ADCK5: variants seen among roughly 807,000 people sequenced by gnomAD.
The protein encoded by ADCK5 is uncharacterized aarF domain-containing protein kinase 5.
A neutral mutation model predicts 64.9 loss-of-function variants in ADCK5; 43 were observed. The observed-to-expected ratio is 0.66, with a 90% CI of 0.52 to 0.85. ADCK5 has a LOEUF of 0.85. ADCK5 is among the 40% of genes least tolerant of loss of function. The pLI is 0.00. For missense variants in ADCK5, 760 were observed against 810.5 expected (o/e 0.94, Z 0.76); for synonymous variants, 434 against 342.8 (o/e 1.27, Z -2.94).
intron 2 of ADCK5, among the ~76,000 whole-genome samples, chr8:144,382,046 C>A (rs1470297815): frequency 6.2e-3 from 488 of 78,380 alleles, no homozygotes; most frequent in African/African-American, 0.019. Context: ...GTGCTCAGGC[C>A]CCTGCTGCAC....
chr8:144,384,841 T>G lies in ADCK5; in HGVS notation c.266+1611T>G, dbSNP rs1819840389. Among the ~76,000 whole-genome samples the G allele has an allele frequency of 6.6e-6, 1 of 152,134 alleles. No homozygotes were observed. Among genetic ancestry groups the G allele is most frequent in the African/African-American group, 2.4e-5 (1 of 41,432 alleles). On this transcript the variant is annotated intron_variant, in intron 3 of 14. Coordinates refer to ENST00000308860, the MANE Select transcript of ADCK5 (RefSeq NM_174922.5). This position sits in a 1 kb window ranked among gnomAD's most constrained non-coding sequence, Gnocchi z 5.7. ...TCGCTCTCAGGGGCTGAGCTGGGGT[T>G]GCAGGGAGGGACCTCTGTTGTTAAT...
intron 1 of ADCK5, among the ~76,000 whole-genome samples, chr8:144,378,435 C>CAAA (rs1819462875): frequency 6.6e-6 from 1 of 152,018 alleles, no homozygotes; most frequent in Non-Finnish European, 1.5e-5. Context: ...TGGCACTTTC[C>CAAA]CCTTTGCCCT....
intron 13 of ADCK5, 28 bp downstream of exon 13, chr8:144,392,725 C>T (rs1414927095): frequency 1.9e-6 from 3 of 1,588,544 alleles, no homozygotes; most frequent in East Asian, 2.3e-5. Context: ...GCGCCCGGGC[C>T]GTGGTGGGGC....
intron 3 of ADCK5, among the ~76,000 whole-genome samples, chr8:144,387,631 C>T (rs541371054): frequency 6.6e-6 from 1 of 151,454 alleles, no homozygotes; most frequent in Non-Finnish European, 1.5e-5. Flanking sequence ...TCTTGAATTC[C>T]TGACCTTAAG....
Position 144,374,116 on chromosome 8 carries a change from T to C in ADCK5, c.12+9T>C, listed in dbSNP as rs782818551. The C allele has an allele frequency of 8.8e-6, 11 of 1,248,620 alleles. No individual in the cohort carries two copies. Among genetic ancestry groups the C allele is most frequent in the Non-Finnish European group, 1.1e-5 (11 of 988,890 alleles). The allele number at this position is 1,248,620 out of a possible 1,614,324, so 77.3% of individuals were successfully genotyped here. A position where few individuals can be genotyped will look rare whatever the true frequency, so the allele number is the denominator to read the frequency against. On this transcript the variant is annotated intron_variant, in intron 1 of 14. Transcript: ENST00000308860. ...CGGAGATGTGGCGACCGGTGAGGAC[T>C]CTCCCGGCCCGGGGCGCCCGAGATC... is the stretch of plus-strand genomic sequence containing the variant.
intron 3 of ADCK5, among the ~76,000 whole-genome samples, chr8:144,389,823 C>A (rs1281117995): frequency 4.0e-5 from 6 of 151,508 alleles, no homozygotes; most frequent in Non-Finnish European, 7.4e-5. Context: ...AGCTACCAAG[C>A]CCAGCCTCTT....
chr8:144,388,749 C>A (rs1183875471), intron 3 of ADCK5, among the ~76,000 whole-genome samples: 2 of 150,412 alleles, frequency 1.3e-5, no homozygotes, highest in Non-Finnish European at 3.0e-5. Context: ...GGCGACAGAG[C>A]GAGACTCCGT....
chr8:144,391,160 C>G lies in ADCK5; in HGVS notation c.570C>G (p.Phe190Leu). The change falls in exon 6 of 15, where the codon TTC (phenylalanine) becomes TTG (leucine). Residue 190 changes from phenylalanine (F) to leucine (L), a missense_variant. Coordinates refer to ENST00000308860, the MANE Select transcript of ADCK5 (RefSeq NM_174922.5). ...QEVDELFLEDFQALPHELFQE... is the reference protein window; with the variant it reads ...QEVDELFLEDLQALPHELFQE... ...TGGATGAGTTGTTCCTTGAGGACTTCCAGGCCCTCCCCCACGAGCTCTTCC... is the reference window on the plus strand; with the variant it reads ...TGGATGAGTTGTTCCTTGAGGACTTGCAGGCCCTCCCCCACGAGCTCTTCC... The G allele has an allele frequency of 6.2e-7, 1 of 1,611,612 alleles. No homozygotes were observed. Among genetic ancestry groups the G allele is most frequent in the Non-Finnish European group, 8.5e-7 (1 of 1,180,006 alleles).
rs1470949647 is a variant in ADCK5 at position 144,384,909 on chromosome 8, C to T, written c.266+1679C>T. Among the ~76,000 whole-genome samples the T allele has an allele frequency of 6.6e-6, 1 of 152,192 alleles. No homozygotes were observed. ...CGTTCTCCTTGGCTCTAAGCCGTCA[C>T]GGTTGCATAGACAAGCAGGCCTGTG... On this transcript the variant is annotated intron_variant, in intron 3 of 14. Coordinates refer to ENST00000308860, the MANE Select transcript of ADCK5 (RefSeq NM_174922.5). The surrounding 1 kb of genome is among the most constrained non-coding windows in gnomAD (Gnocchi z 5.7).
rs782798899 is a variant in ADCK5 at position 144,393,116 on chromosome 8, G to A, written c.*42G>A. On this transcript the variant is annotated 3_prime_UTR_variant, in exon 15 of 15. Coordinates refer to ENST00000308860, the MANE Select transcript of ADCK5 (RefSeq NM_174922.5). ...GCCGGCGGGGCCCTTTTCACCTTGG[G>A]CTGACGGAGGTGGCGGGGCTAGAGG... 15 of 1,487,944 alleles carry A rather than the reference G, an allele frequency of 1.0e-5. No individual in the cohort carries two copies. The highest frequency in any genetic ancestry group is 5.2e-5 in the South Asian group (4 of 76,946). 92.2% of individuals were successfully genotyped at this position (1,487,944 alleles called of 1,614,324 possible). A position where few individuals can be genotyped will look rare whatever the true frequency, so the allele number is the denominator to read the frequency against.
intron 1 of ADCK5, among the ~76,000 whole-genome samples, chr8:144,378,993 G>A (rs1378031710): frequency 6.6e-6 from 1 of 151,326 alleles, no homozygotes; most frequent in Admixed American, 6.6e-5. Context: ...GAGTGTAGTG[G>A]CGCGATTTCA....
intron 3 of ADCK5, among the ~76,000 whole-genome samples, chr8:144,387,379 C>T (rs1320122106): frequency 6.6e-6 from 1 of 152,126 alleles, no homozygotes; most frequent in African/African-American, 2.4e-5. Flanking sequence ...GTTCTCACTG[C>T]TCCTCCACCC....
At chr8:144,392,918 G>T in intron 14 of ADCK5, 26 bp downstream of exon 14, 1 of 1,594,404 alleles carries the variant, frequency 6.3e-7, no homozygotes, top group East Asian at 2.3e-5. Context: ...GCAGGTGGGT[G>T]GCGGGGGCCT....
chr8:144,390,726 G>T lies in ADCK5; in HGVS notation c.322G>T (p.Val108Phe). ...SLDYWWCTNV[V>F]LRGVEENSPG... ...GGACTACTGGTGGTGCACCAATGTT[G>T]TCCTTCGAGGGGTGGAAGAGGTTTG... Residue 108 changes from valine (V) to phenylalanine (F), a missense_variant, in exon 4 of 15, where the codon GTC becomes TTC. Coordinates refer to ENST00000308860, the MANE Select transcript of ADCK5 (RefSeq NM_174922.5). The T allele has an allele frequency of 3.7e-6, 6 of 1,613,902 alleles. No homozygotes were observed. The highest frequency in any genetic ancestry group is 5.1e-6 in the Non-Finnish European group (6 of 1,179,972).
chr8:144,392,608 G>A lies in ADCK5; in HGVS notation c.1431G>A (p.Met477Ile). Residue 477 changes from methionine (M) to isoleucine (I), a missense_variant, in exon 13 of 15, where the codon ATG becomes ATA. Physicochemically the swap from Met to Ile is conservative, Grantham distance 10. Coordinates refer to ENST00000308860, the MANE Select transcript of ADCK5 (RefSeq NM_174922.5). ...MAVLRELPRP[M>I]LLVLRNINTV... Reference sequence around the variant, plus strand: ...TGCTCAGGGAGCTGCCGCGGCCCATGCTGCTGGTGCTGCGCAACATCAACA... The same window carrying A: ...TGCTCAGGGAGCTGCCGCGGCCCATACTGCTGGTGCTGCGCAACATCAACA... The A allele has an allele frequency of 6.3e-7, 1 of 1,584,740 alleles. No homozygotes were observed. Among genetic ancestry groups the A allele is most frequent in the Non-Finnish European group, 8.5e-7 (1 of 1,169,736 alleles).
intron 3 of ADCK5, 110 bp from the exon 4 acceptor site, chr8:144,390,561 C>A: frequency 8.5e-7 from 1 of 1,179,264 alleles, no homozygotes; most frequent in Non-Finnish European, 1.2e-6. Flanking sequence ...ACCCTTGGGA[C>A]ATGAAGGGCT....
At chr8:144,391,095 G>A (rs2130728584) in intron 5 of ADCK5, 39 bp downstream of exon 5, 1 of 1,610,636 alleles carries the variant, frequency 6.2e-7, no homozygotes, top group East Asian at 2.2e-5. Context: ...GGGGCCTCCA[G>A]CAGTGGCCCC....
Position 144,391,266 on chromosome 8 carries a change from G to A in ADCK5, c.676G>A (p.Ala226Thr). 6.2e-7 allele frequency: 1 copy of A among 1,612,368 alleles called. No individual in the cohort carries two copies. Among genetic ancestry groups the A allele is most frequent in the Non-Finnish European group, 8.5e-7 (1 of 1,180,026 alleles). The change falls in exon 6 of 15, where the codon GCT becomes ACT. Residue 226 changes from alanine to threonine, a missense_variant. Physicochemically the swap from Ala to Thr is moderately conservative, Grantham distance 58. This residue lies in a region of ADCK5 where 427 missense variants were observed against 518.4 expected (regional missense o/e 0.82). Coordinates refer to ENST00000308860, the MANE Select transcript of ADCK5 (RefSeq NM_174922.5). ...CAAGCTGCACGATGGCACCAGCGTG[G>A]CTGTGAAGGTATATGGGGGCTGCCT... ...RAKLHDGTSV[A>T]VKVQYIDLRD...
chr8:144,373,912 C>CA (rs879953463), upstream of ADCK5: 1 of 634,390 alleles, frequency 1.6e-6, no homozygotes, highest in Admixed American at 4.5e-5. Context: ...TGGGGGCCGC[C>CA]AGGGGACGCT....
Sources: allele counts gnomAD v4.1 joint callset (sites outside exome capture counted in the v4.1 genomes callset), GRCh38; gene constraint gnomAD v4.1.1; regional missense constraint gnomAD v4.1.1; non-coding constraint Gnocchi (gnomAD v3.1); transcripts MANE v1.5; gene names NCBI Gene and HGNC (gene_info 2026-07-23, HGNC 2026-07-21).